Variants in MDFIC observed in about 807,000 individuals in gnomAD.
MDFIC encodes myoD family inhibitor domain-containing protein.
In MDFIC, 17 loss-of-function variants were observed where a neutral mutation model predicts 23.2. That is an observed-to-expected ratio of 0.73 (90% confidence interval 0.50 to 1.10). The LOEUF is 1.10. Among genes scored for constraint, MDFIC ranks in the 50% least tolerant of loss-of-function variants. The pLI is 0.00. For missense variants in MDFIC, 356 were observed against 316.6 expected (o/e 1.12, Z -0.95); for synonymous variants, 120 against 115.2 (o/e 1.04, Z -0.27).
chr7:114,979,485 T>A, intron 3 of MDFIC, 21 bp from the exon 4 acceptor site: 1 of 1,569,574 alleles, frequency 6.4e-7, no homozygotes. Context: ...ACTGGCTGAC[T>A]TTTTCCTGTT....
Position 114,922,505 on chromosome 7 carries a change from G to C in MDFIC, c.-239G>C. The C allele has an allele frequency of 8.0e-7, 1 of 1,256,862 alleles. No homozygotes were observed. The highest frequency in any genetic ancestry group is 1.0e-6 in the Non-Finnish European group (1 of 994,548). The allele number at this position is 1,256,862 out of a possible 1,614,324, so 77.9% of individuals were successfully genotyped here. A position where few individuals can be genotyped will look rare whatever the true frequency, so the allele number is the denominator to read the frequency against. ...CGGAGGGAGGCGGGAGGACGCGCAG[G>C]GGCGGCCGCCGCCGTCGTCAGGCCA... On this transcript the variant is annotated 5_prime_UTR_variant, in exon 1 of 5. Transcript: ENST00000393486.
chr7:115,008,451 C>T (rs1053709123), intron 4 of MDFIC, among the ~76,000 whole-genome samples: 2 of 152,190 alleles, frequency 1.3e-5, no homozygotes, highest in Non-Finnish European at 2.9e-5. Flanking sequence ...ACCCATCTCA[C>T]TTTGTTCCCC....
intron 4 of MDFIC, among the ~76,000 whole-genome samples, chr7:114,984,536 A>T (rs989695397): frequency 6.6e-6 from 1 of 152,222 alleles, no homozygotes; most frequent in Non-Finnish European, 1.5e-5. Flanking sequence ...ATGTGGCAAA[A>T]AAATTGCACA....
intron 3 of MDFIC, among the ~76,000 whole-genome samples, chr7:114,950,253 G>A (rs57274660): frequency 0.01 from 1,539 of 152,224 alleles, 16 homozygotes; most frequent in African/African-American, 0.035. Flanking sequence ...ATGACAGGTA[G>A]GATTACAAGG....
At chr7:114,947,889 T>G (rs1169018797) in intron 3 of MDFIC, among the ~76,000 whole-genome samples, 1 of 152,128 alleles carries the variant, frequency 6.6e-6, no homozygotes, top group Non-Finnish European at 1.5e-5. Context: ...CACACTGAAT[T>G]TATTGGTTTT....
intron 4 of MDFIC, among the ~76,000 whole-genome samples, chr7:115,004,403 A>C (rs6978349): frequency 0.38 from 57,803 of 152,078 alleles, 11,278 homozygotes; most frequent in East Asian, 0.45. Flanking sequence ...GAACCCAAGG[A>C]GTTGAAGACC....
At chr7:115,014,861 C>A (rs1281151541) in intron 4 of MDFIC, among the ~76,000 whole-genome samples, 1 of 152,098 alleles carries the variant, frequency 6.6e-6, no homozygotes, top group Admixed American at 6.6e-5. Flanking sequence ...TGTTTGATTT[C>A]TCAATTTTTT....
rs140240418 is a variant in MDFIC at position 115,018,278 on chromosome 7, A to C, written c.*2343A>C. On this transcript the variant is annotated 3_prime_UTR_variant, in exon 5 of 5. Transcript: ENST00000393486. Reference sequence around the variant, plus strand: ...TGTTTATGGACACATGAAACCTCCTAATGACCTGGAATTGTTAGAATATTT... The same window carrying C: ...TGTTTATGGACACATGAAACCTCCTCATGACCTGGAATTGTTAGAATATTT... 3.2e-3 allele frequency: 481 copies of C among 152,104 alleles called. 3 individuals carry two copies. Among genetic ancestry groups the C allele is most frequent in the African/African-American group, 0.011 (449 of 41,566 alleles). 9.4% of individuals were successfully genotyped at this position (152,104 alleles called of 1,614,324 possible).
intron 2 of MDFIC, among the ~76,000 whole-genome samples, chr7:114,940,734 C>T (rs1174299809): frequency 6.6e-6 from 1 of 152,148 alleles, no homozygotes; most frequent in African/African-American, 2.4e-5. Context: ...TCATTGTATC[C>T]TCATCACCTA....
intron 3 of MDFIC, among the ~76,000 whole-genome samples, chr7:114,977,115 A>G (rs549783860): frequency 1.4e-3 from 217 of 152,282 alleles, no homozygotes; most frequent in African/African-American, 5.0e-3. Flanking sequence ...AATTTTCACA[A>G]TGAATGTTTT....
rs60307474 is a variant in MDFIC at position 114,997,576 on chromosome 7, GAAA to G, written c.493+17810_493+17812del. 6.9e-3 allele frequency among the ~76,000 whole-genome samples: 981 copies of G among 141,712 alleles called. 9 individuals are homozygous for G. The highest frequency in any genetic ancestry group is 0.026 in the Middle Eastern group (7 of 272). 93.0% of individuals were successfully genotyped at this position (141,712 alleles called of 152,430 possible). On this transcript the variant is annotated intron_variant, in intron 4 of 4. Coordinates refer to ENST00000393486, the MANE Select transcript of MDFIC (RefSeq NM_001166345.3). ...ACCAGTCTGGACCTCATCTCTACAG[GAAA>G]AAAAAAAAAAAAAATTAACCAGGCG...
chr7:114,942,427 ATTTT>A, intron 3 of MDFIC, 30 bp downstream of exon 3: 1 of 1,537,682 alleles, frequency 6.5e-7, no homozygotes, highest in Non-Finnish European at 8.8e-7. Flanking sequence ...ACTTTGAGTG[ATTTT>A]GGGATATGAC....
At chr7:115,007,844 C>T (rs1312995818) in intron 4 of MDFIC, among the ~76,000 whole-genome samples, 2 of 129,334 alleles carry the variant, frequency 1.5e-5, no homozygotes, top group Non-Finnish European at 3.2e-5. Flanking sequence ...TACAGATACT[C>T]GCCACCATAC....
chr7:114,999,469 A>G (rs955733001), intron 4 of MDFIC, among the ~76,000 whole-genome samples: 4 of 152,082 alleles, frequency 2.6e-5, no homozygotes, highest in African/African-American at 9.7e-5. Flanking sequence ...CTGACTCCCA[A>G]AACTAACTGA....
intron 4 of MDFIC, among the ~76,000 whole-genome samples, chr7:114,990,302 G>C (rs986191745): frequency 1.3e-5 from 2 of 151,282 alleles, no homozygotes; most frequent in Non-Finnish European, 2.9e-5. Context: ...ATTTCCACCC[G>C]CAAAGTTTTA....
Position 114,922,982 on chromosome 7 carries a change from C to A in MDFIC, c.-52C>A. The A allele has an allele frequency of 6.5e-7, 1 of 1,538,636 alleles. No homozygotes were observed. Among genetic ancestry groups the A allele is most frequent in the East Asian group, 2.7e-5 (1 of 37,126 alleles). On this transcript the variant is annotated 5_prime_UTR_variant, in exon 2 of 5. Coordinates refer to ENST00000393486, the MANE Select transcript of MDFIC (RefSeq NM_001166345.3). Reference sequence around the variant, plus strand: ...ACAGCCCTTCCTCCGTGCGCCCTGCCGGGCGGCGAGCTAGGCGGCAGCGGC... The same window carrying A: ...ACAGCCCTTCCTCCGTGCGCCCTGCAGGGCGGCGAGCTAGGCGGCAGCGGC...
rs753051299 is a variant in MDFIC at position 114,979,769 on chromosome 7, T to A, written c.481T>A (p.Ser161Thr). ...VNAVFSQKTGSSPEDCCVHCI... is the reference protein window; with the variant it reads ...VNAVFSQKTGTSPEDCCVHCI... ...TGCTGTCTTTTCCCAAAAGACAGGC[T>A]CTTCACCTGAAGGTAAGTTTGAGAT... The change falls in exon 4 of 5, where the codon TCT becomes ACT. Residue 161 changes from serine to threonine, a missense_variant. By Grantham distance (58) the Ser-to-Thr change is moderately conservative. Transcript: ENST00000393486. The A allele has an allele frequency of 1.2e-6, 2 of 1,613,492 alleles. No individual in the cohort carries two copies. The highest frequency in any genetic ancestry group is 1.7e-6 in the Non-Finnish European group (2 of 1,179,564).
intron 3 of MDFIC, among the ~76,000 whole-genome samples, chr7:114,959,037 G>T (rs190639764): frequency 6.1e-4 from 93 of 152,304 alleles, no homozygotes; most frequent in Admixed American, 3.1e-3. Flanking sequence ...AAATGATACA[G>T]TTCACAGAGT....
intron 4 of MDFIC, chr7:115,014,152 TC>T (rs2116148462): frequency 2.0e-6 from 2 of 985,424 alleles, no homozygotes; most frequent in Non-Finnish European, 2.4e-6. Flanking sequence ...CCACATTTTC[TC>T]CTTTCATCCT....
Sources: gnomAD v4.1 joint callset for allele counts (sites outside exome capture counted in the v4.1 genomes callset) on GRCh38, gnomAD v4.1.1 for gene constraint, MANE v1.5 for transcripts, NCBI Gene and HGNC (gene_info 2026-07-23, HGNC 2026-07-21) for gene names.